DENND1B: variants seen among roughly 807,000 people sequenced by gnomAD.
DENND1B encodes DENN domain containing 1B.
In DENND1B, 59 loss-of-function variants were observed where a neutral mutation model predicts 90.1. That is an observed-to-expected ratio of 0.65 (90% CI 0.53 to 0.81). The LOEUF is 0.81. DENND1B is among the 40% of genes least tolerant of loss of function. DENND1B has a pLI of 0.00. For synonymous variants in DENND1B, 337 were observed against 324.6 expected (o/e 1.04, Z -0.41); for missense variants, 862 against 912.6 (o/e 0.94, Z 0.71).
intron 2 of DENND1B, among the ~76,000 whole-genome samples, chr1:197,726,663 C>G (rs41322944): frequency 0.01 from 1,554 of 152,284 alleles, 28 homozygotes; most frequent in African/African-American, 0.035. Context: ...CAAGCAATTC[C>G]TCAGTACTTA....
intron 15 of DENND1B, among the ~76,000 whole-genome samples, chr1:197,558,908 C>T (rs930463926): frequency 2.0e-5 from 3 of 151,650 alleles, no homozygotes; most frequent in Non-Finnish European, 4.4e-5. Flanking sequence ...TTTTTAAATA[C>T]AATTAAATAT....
At chr1:197,776,979 A>T (rs560713079), upstream of DENND1B, among the ~76,000 whole-genome samples, 84 of 152,278 alleles carry the variant, frequency 5.5e-4, no homozygotes, top group African/African-American at 2.0e-3. Flanking sequence ...ACAAATTTGT[A>T]TTATCTTTTG....
At position 197,775,237 on chromosome 1, in the gene DENND1B, G is replaced by A. The variant is rs1657166110; in HGVS notation, c.-82C>T. On this transcript the variant is annotated 5_prime_UTR_variant, in exon 1 of 23. Transcript: ENST00000620048. ...CGCAGCCCGGCCGCGCGAGGGTCGC[G>A]CCGTCCCCGCCCACGCCGGCGGCCA... 9.0e-7 allele frequency: 1 copy of A among 1,111,568 alleles called. No individual in the cohort carries two copies. The highest frequency in any genetic ancestry group is 1.1e-6 in the Non-Finnish European group (1 of 872,378). The allele number at this position is 1,111,568 out of a possible 1,614,324, so 68.9% of individuals were successfully genotyped here. A position where few individuals can be genotyped will look rare whatever the true frequency, so the allele number is the denominator to read the frequency against.
At chr1:197,663,211 A>G (rs922638710) in intron 5 of DENND1B, among the ~76,000 whole-genome samples, 3 of 152,120 alleles carry the variant, frequency 2.0e-5, no homozygotes, top group Non-Finnish European at 2.9e-5. Flanking sequence ...TCAAATTTCA[A>G]CTACAGCACT....
chr1:197,551,540 TG>T (rs1671241937), intron 16 of DENND1B, among the ~76,000 whole-genome samples: 1 of 152,148 alleles, frequency 6.6e-6, no homozygotes, highest in Non-Finnish European at 1.5e-5. Flanking sequence ...AAAATTTTAG[TG>T]GGCCCTCCCA....
intron 2 of DENND1B, among the ~76,000 whole-genome samples, chr1:197,762,451 T>C (rs1186703185): frequency 6.6e-6 from 1 of 152,150 alleles, no homozygotes; most frequent in Non-Finnish European, 1.5e-5. Context: ...GTACTGTGTT[T>C]ATTTGAGGTG....
At chr1:197,714,375 C>T (rs1660419341) in intron 3 of DENND1B, among the ~76,000 whole-genome samples, 1 of 151,968 alleles carries the variant, frequency 6.6e-6, no homozygotes, top group Non-Finnish European at 1.5e-5. Flanking sequence ...AAATCTATAA[C>T]ATAAAGTTTA....
chr1:197,546,781 A>G lies in DENND1B; in HGVS notation c.1241-8T>C, dbSNP rs761734247. 4.5e-6 allele frequency: 7 copies of G among 1,542,440 alleles called. No individual in the cohort carries two copies. Among genetic ancestry groups the G allele is most frequent in the Non-Finnish European group, 6.1e-6 (7 of 1,144,722 alleles). ...GATATGACCTCGGGTTCCCTGGAAT[A>G]TATAAAAATGAGATGCCAGGAATGG... On this transcript the variant is annotated splice_region_variant and splice_polypyrimidine_tract_variant and intron_variant, in intron 16 of 22. Transcript: ENST00000620048.
chr1:197,557,390 C>T (rs1671803635), intron 15 of DENND1B, among the ~76,000 whole-genome samples: 1 of 151,786 alleles, frequency 6.6e-6, no homozygotes. Flanking sequence ...GGAAATAATC[C>T]ATCCATTTCA....
At chr1:197,608,950 C>T (rs943901366) in intron 12 of DENND1B, among the ~76,000 whole-genome samples, 3 of 149,682 alleles carry the variant, frequency 2.0e-5, no homozygotes, top group African/African-American at 7.3e-5. Context: ...AATACATTAA[C>T]AAAAAAGGAA....
chr1:197,507,482 C>T lies in DENND1B; in HGVS notation c.*2978G>A, dbSNP rs2125585265. Reference sequence around the variant, plus strand: ...TAGCTCCTAAATTCCAATATTATTTCTCTATACCCCTGAAATACCACGGAT... The same window carrying T: ...TAGCTCCTAAATTCCAATATTATTTTTCTATACCCCTGAAATACCACGGAT... On this transcript the variant is annotated 3_prime_UTR_variant, in exon 23 of 23. Transcript: ENST00000620048. 6.6e-6 allele frequency: 1 copy of T among 151,340 alleles called. No individual in the cohort carries two copies. Among genetic ancestry groups the T allele is most frequent in the South Asian group, 2.1e-4 (1 of 4,810 alleles). 9.4% of individuals were successfully genotyped at this position (151,340 alleles called of 1,614,324 possible). A position where few individuals can be genotyped will look rare whatever the true frequency, so the allele number is the denominator to read the frequency against.
At chr1:197,569,492 C>T (rs1275414201) in intron 15 of DENND1B, among the ~76,000 whole-genome samples, 1 of 151,850 alleles carries the variant, frequency 6.6e-6, no homozygotes, top group Non-Finnish European at 1.5e-5. Context: ...TACAGCATTA[C>T]TCAACAATAA....
intron 6 of DENND1B, 44 bp from the exon 7 acceptor site, chr1:197,652,359 C>T (rs369419020): frequency 3.9e-5 from 56 of 1,424,872 alleles, no homozygotes; most frequent in Non-Finnish European, 5.1e-5. Flanking sequence ...AAACATATAC[C>T]AAGCAACTGC....
the DENND1B span, among the ~76,000 whole-genome samples, chr1:197,780,911 T>G: frequency 6.6e-6 from 1 of 152,092 alleles, no homozygotes; most frequent in Non-Finnish European, 1.5e-5. Context: ...GAAACCCAAG[T>G]TCAGGGCTTT....
chr1:197,663,335 A>G (rs1654608732), intron 5 of DENND1B, among the ~76,000 whole-genome samples: 1 of 152,158 alleles, frequency 6.6e-6, no homozygotes, highest in African/African-American at 2.4e-5. Flanking sequence ...TTTAAAGAGT[A>G]CATATCATTC....
chr1:197,645,261 A>G (rs114278354), intron 9 of DENND1B, among the ~76,000 whole-genome samples: 78 of 152,200 alleles, frequency 5.1e-4, no homozygotes, highest in African/African-American at 1.8e-3. Flanking sequence ...TACAAGGAAT[A>G]TAAAATACTA....
intron 20 of DENND1B, among the ~76,000 whole-genome samples, chr1:197,536,898 A>G (rs1264942648): frequency 1.3e-5 from 2 of 152,024 alleles, no homozygotes; most frequent in East Asian, 1.9e-4. Context: ...AAAATTAGCC[A>G]GGCGTGGTGG....
chr1:197,686,262 C>T (rs985840535), intron 3 of DENND1B, among the ~76,000 whole-genome samples: 10 of 152,096 alleles, frequency 6.6e-5, no homozygotes, highest in South Asian at 2.1e-4. Context: ...TTACATTTTA[C>T]GGAAATATAT....
At chr1:197,526,885 GAC>G (rs1428925151) in intron 20 of DENND1B, among the ~76,000 whole-genome samples, 13 of 152,204 alleles carry the variant, frequency 8.5e-5, no homozygotes, top group African/African-American at 2.2e-4. Context: ...GTTTCTAAAA[GAC>G]ACACTATTCT....
Sources: allele counts gnomAD v4.1 joint callset (sites outside exome capture counted in the v4.1 genomes callset), GRCh38; gene constraint gnomAD v4.1.1; transcripts MANE v1.5; gene names NCBI Gene and HGNC (gene_info 2026-07-23, HGNC 2026-07-21).